POFUT3: variants seen among roughly 807,000 people sequenced by gnomAD.
POFUT3 encodes protein O-fucosyltransferase 3.
the POFUT3 span, chr8:33,388,757 AG>A: frequency 1.7e-6 from 1 of 581,880 alleles, no homozygotes; most frequent in Non-Finnish European, 3.0e-6. Context: ...GAAGGCTTTC[AG>A]GAATGAAGGC....
the POFUT3 span, among the ~76,000 whole-genome samples, chr8:33,400,859 A>G: frequency 2.0e-5 from 3 of 152,144 alleles, no homozygotes; most frequent in African/African-American, 7.2e-5. Flanking sequence ...GACCTCTGAG[A>G]TTTGCCTCCA....
the POFUT3 span, among the ~76,000 whole-genome samples, chr8:33,422,545 C>CAA: frequency 0.09 from 3,339 of 37,020 alleles, 818 homozygotes; most frequent in East Asian, 0.3. Flanking sequence ...AACTCTGTCT[C>CAA]AAAAAAAAAA....
At chr8:33,372,654 G>A in the POFUT3 span, 2 of 1,613,896 alleles carry the variant, frequency 1.2e-6, no homozygotes, top group African/African-American at 1.3e-5. Context: ...CTTAGTGCCT[G>A]GGCTTCTTTC....
chr8:33,313,741 A>G, the POFUT3 span, among the ~76,000 whole-genome samples: 1 of 152,182 alleles, frequency 6.6e-6, no homozygotes, highest in Non-Finnish European at 1.5e-5. Context: ...AATTATCCTG[A>G]ATATAAACTC....
the POFUT3 span, among the ~76,000 whole-genome samples, chr8:33,321,521 G>A: frequency 6.6e-6 from 1 of 152,010 alleles, no homozygotes; most frequent in Non-Finnish European, 1.5e-5. Context: ...GTGGTCTCAG[G>A]ATAGTTGGAC....
At chr8:33,319,434 T>TTATATAATATATAAAATATATA in the POFUT3 span, among the ~76,000 whole-genome samples, 1 of 60,022 alleles carries the variant, frequency 1.7e-5, no homozygotes, top group African/African-American at 8.6e-5. Flanking sequence ...ATATATATAT[T>TTATATAATATATAAAATATATA]TTTTATATAT....
chr8:33,455,658 G>A, the POFUT3 span: 2 of 342,698 alleles, frequency 5.8e-6, no homozygotes, highest in South Asian at 2.3e-5. Context: ...CGTTAAAGCA[G>A]TTAAAGTAAG....
the POFUT3 span, among the ~76,000 whole-genome samples, chr8:33,450,405 A>G: frequency 1.3e-5 from 2 of 152,254 alleles, no homozygotes; most frequent in African/African-American, 2.4e-5. Context: ...ATCAGAAACT[A>G]TATTATTCAT....
the POFUT3 span, among the ~76,000 whole-genome samples, chr8:33,422,499 C>T: frequency 2.4e-5 from 3 of 126,366 alleles, no homozygotes; most frequent in African/African-American, 9.0e-5. Flanking sequence ...GAGCTGAGAT[C>T]GTGCCATTGC....
chr8:33,428,086 T>C, the POFUT3 span, among the ~76,000 whole-genome samples: 4 of 152,168 alleles, frequency 2.6e-5, no homozygotes, highest in Admixed American at 2.6e-4. Flanking sequence ...ATCGCAACAG[T>C]GCACTCCAGC....
At chr8:33,372,001 A>G in the POFUT3 span, 1 of 238,414 alleles carries the variant, frequency 4.2e-6, no homozygotes, top group Non-Finnish European at 6.8e-6. Flanking sequence ...AACTAAAGAA[A>G]GTGAGAGAGG....
chr8:33,344,411 A>G, the POFUT3 span, among the ~76,000 whole-genome samples: 3 of 152,216 alleles, frequency 2.0e-5, no homozygotes, highest in Non-Finnish European at 4.4e-5. Context: ...GTTAATGAAT[A>G]TATAAAGATT....
At chr8:33,436,970 G>A in the POFUT3 span, among the ~76,000 whole-genome samples, 1 of 151,956 alleles carries the variant, frequency 6.6e-6, no homozygotes, top group East Asian at 1.9e-4. Context: ...ATGTCCCTGG[G>A]TACCCTATGT....
At chr8:33,415,155 A>G in the POFUT3 span, among the ~76,000 whole-genome samples, 1 of 152,048 alleles carries the variant, frequency 6.6e-6, no homozygotes, top group East Asian at 1.9e-4. Flanking sequence ...CCAGTTACTC[A>G]GGAGGCTGAG....
the POFUT3 span, among the ~76,000 whole-genome samples, chr8:33,417,951 G>C: frequency 1.1e-4 from 16 of 152,218 alleles, no homozygotes; most frequent in African/African-American, 3.9e-4. Flanking sequence ...CTAGCCATGC[G>C]ACAGCACCTC....
At chr8:33,411,647 G>A in the POFUT3 span, among the ~76,000 whole-genome samples, 1 of 152,118 alleles carries the variant, frequency 6.6e-6, no homozygotes, top group Non-Finnish European at 1.5e-5. Flanking sequence ...AATTAGCCAG[G>A]TGTGGGTGAC....
chr8:33,469,199 G>C, the POFUT3 span, among the ~76,000 whole-genome samples: 1 of 152,102 alleles, frequency 6.6e-6, no homozygotes, highest in Non-Finnish European at 1.5e-5. Flanking sequence ...CCAGCTACTG[G>C]GGAGGCTGAG....
chr8:33,309,194 A>ATT, the POFUT3 span, among the ~76,000 whole-genome samples: 1 of 118,046 alleles, frequency 8.5e-6, no homozygotes, highest in Non-Finnish European at 1.7e-5. Flanking sequence ...ATATATATAT[A>ATT]TATATACACA....
chr8:33,337,952 C>G, the POFUT3 span, among the ~76,000 whole-genome samples: 1 of 152,202 alleles, frequency 6.6e-6, no homozygotes, highest in African/African-American at 2.4e-5. Context: ...CTCGGTCTTT[C>G]CTTTCTGTCT....
Sources: gnomAD v4.1 joint callset for allele counts (sites outside exome capture counted in the v4.1 genomes callset) on GRCh38, gnomAD v4.1.1 for gene constraint, MANE v1.5 for transcripts, NCBI Gene and HGNC (gene_info 2026-07-23, HGNC 2026-07-21) for gene names.